Variants in CORO1A observed in about 807,000 individuals in gnomAD.
CORO1A encodes coronin 1A.
A neutral mutation model predicts 44.1 loss-of-function variants in CORO1A; 17 were observed. The ratio of observed to expected loss-of-function variants is 0.39; its 90% CI spans 0.26 to 0.58. CORO1A has a LOEUF of 0.58. Among genes scored for constraint, CORO1A ranks in the 20% least tolerant of loss-of-function variants. The pLI is 0.62. For synonymous variants in CORO1A, 271 were observed against 244.2 expected, an observed-to-expected ratio of 1.11 and a Z score of -1.02; for missense variants, 415 against 606.5, an observed-to-expected ratio of 0.68 and a Z score of 3.32.
rs1386009203 is a variant in CORO1A, at chr16:30,184,584, C to G, written c.-1-625C>G. ...GGGTGGAGATGGCTCTTAAGGGCAC[C>G]TGCTTTTCTGAGCGGAGGCGAGAGG... On this transcript the variant is annotated intron_variant, in intron 1 of 10. Coordinates refer to ENST00000219150, the MANE Select transcript of CORO1A (RefSeq NM_007074.4). This position sits in a 1 kb window ranked among gnomAD's most constrained non-coding sequence, Gnocchi z 4.3. 1.2e-5 allele frequency: 2 copies of G among 168,458 alleles called. No homozygotes were observed. Among genetic ancestry groups the G allele is most frequent in the Non-Finnish European group, 2.6e-5 (2 of 77,426 alleles). 10.4% of individuals were successfully genotyped at this position (168,458 alleles called of 1,614,324 possible).
In CORO1A at chr16:30,188,227, T is replaced by C. The variant is rs1205564396; in HGVS notation, c.1043T>C (p.Ile348Thr). The change falls in exon 9 of 11, where the codon ATT (isoleucine) becomes ACT (threonine). Residue 348 changes from isoleucine to threonine, a missense_variant. Transcript: ENST00000219150. ...CTGCACGAGCGGAGGTGTGAGCCCATTGCCATGACAGTGCCTCGAAAGGTG... is the reference window on the plus strand; with the variant it reads ...CTGCACGAGCGGAGGTGTGAGCCCACTGCCATGACAGTGCCTCGAAAGGTG... ...YKLHERRCEPIAMTVPRKSDL... is the reference protein window; with the variant it reads ...YKLHERRCEPTAMTVPRKSDL... 4 of 1,614,114 alleles carry C rather than the reference T, an allele frequency of 2.5e-6. No individual in the cohort carries two copies. Among genetic ancestry groups the C allele is most frequent in the South Asian group, 1.1e-5 (1 of 91,084 alleles).
At position 30,187,708 on chromosome 16, in the gene CORO1A, C is replaced by G; in HGVS notation, c.757-17C>G. ...CATCCCAGGGCCTGGGATGTTACCT[C>G]TCACCTGTGTCTACAGAAGCACCTG... On this transcript the variant is annotated splice_polypyrimidine_tract_variant and intron_variant, in intron 6 of 10. Transcript: ENST00000219150. The G allele has an allele frequency of 6.3e-7, 1 of 1,591,956 alleles. No individual in the cohort carries two copies. The highest frequency in any genetic ancestry group is 8.6e-7 in the Non-Finnish European group (1 of 1,161,692).
chr16:30,185,197 G>C lies in CORO1A; in HGVS notation c.-1-12G>C. On this transcript the variant is annotated splice_polypyrimidine_tract_variant and intron_variant, in intron 1 of 10. Coordinates refer to ENST00000219150, the MANE Select transcript of CORO1A (RefSeq NM_007074.4). ...CTGAAGGGAGAAATGCTCTTATGCT[G>C]TGTGCCCCCAGAATGAGCCGGCAGG... is the stretch of plus-strand genomic sequence containing the variant. 6.2e-7 allele frequency: 1 copy of C among 1,613,840 alleles called. No homozygotes were observed.
rs1376852495 is a variant in CORO1A, at chr16:30,187,844, CGGGGTG to C, written c.861+24_861+29del. The stretch of plus-strand genomic sequence containing the variant: ...TCTGTGGCAAGGTGGCCTCGTCGGG[CGGGGTG>C]GGGGTGGGAGGTGGGCAGGATGGGC... On this transcript the variant is annotated intron_variant, in intron 7 of 10. Transcript: ENST00000219150. 50 of 83,478 alleles carry C rather than the reference CGGGGTG, an allele frequency of 6.0e-4. No homozygotes were observed. The highest frequency in any genetic ancestry group is 1.1e-3 in the African/African-American group (3 of 2,658). 5.2% of individuals were successfully genotyped at this position (83,478 alleles called of 1,614,324 possible).
rs1046871825 is a variant in CORO1A at position 30,187,165 on chromosome 16, C to T, written c.578C>T (p.Thr193Ile). Residue 193 changes from threonine (T) to isoleucine (I), a missense_variant, in exon 5 of 11, where the codon ACC becomes ATC. By Grantham distance (89) the Thr-to-Ile change is moderately conservative (BLOSUM62 -1). Transcript: ENST00000219150. ...DWSRDGGLIC[T>I]SCRDKRVRII... ...AGCCGAGATGGAGGCCTCATTTGTA[C>T]CTCCTGCCGTGACAAGCGCGTGCGC... The T allele has an allele frequency of 6.2e-7, 1 of 1,613,872 alleles. No individual in the cohort carries two copies. Among genetic ancestry groups the T allele is most frequent in the Non-Finnish European group, 8.5e-7 (1 of 1,180,032 alleles).
chr16:30,187,865 G>GCCCCGGGGCC, intron 7 of CORO1A, 36 bp downstream of exon 7: 1 of 513,370 alleles, frequency 1.9e-6, no homozygotes, highest in Non-Finnish European at 3.6e-6. Context: ...TGGGAGGTGG[G>GCCCCGGGGCC]CAGGATGGGC....
intron 2 of CORO1A, chr16:30,186,393 C>G (rs775456523): frequency 1.3e-5 from 8 of 612,548 alleles, no homozygotes; most frequent in Non-Finnish European, 2.4e-5. Context: ...CTCTGCCATG[C>G]GTGGCCAGCC....
At position 30,186,672 on chromosome 16, in the gene CORO1A, G is replaced by T. The variant is rs141844867; in HGVS notation, c.273G>T (p.Pro91=). 2.4e-5 allele frequency: 38 copies of T among 1,612,576 alleles called. No homozygotes were observed. Among genetic ancestry groups the T allele is most frequent in the Non-Finnish European group, 3.1e-5 (36 of 1,179,682 alleles). ...TAPVLDIAWC[P]HNDNVIASGS... ...CTGTGCTAGACATCGCCTGGTGCCCGCACAATGACAACGTCATTGCCAGTG... is the reference window on the plus strand; with the variant it reads ...CTGTGCTAGACATCGCCTGGTGCCCTCACAATGACAACGTCATTGCCAGTG... Residue 91 remains proline, a synonymous_variant, in exon 3 of 11, where the codon CCG becomes CCT. Coordinates refer to ENST00000219150, the MANE Select transcript of CORO1A (RefSeq NM_007074.4).
In CORO1A at chr16:30,188,452, G is replaced by C; in HGVS notation, c.1157G>C (p.Gly386Ala). Reference sequence around the variant, plus strand: ...GAGTGGCTGGGGGGTCGGGATGCTGGGCCCCTCCTCATCTCCCTCAAGGAT... The same window carrying C: ...GAGTGGCTGGGGGGTCGGGATGCTGCGCCCCTCCTCATCTCCCTCAAGGAT... Reference protein sequence around the residue: ...AEEWLGGRDAGPLLISLKDGY... With the variant: ...AEEWLGGRDAAPLLISLKDGY... Residue 386 changes from glycine to alanine, a missense_variant, in exon 10 of 11, where the codon GGG becomes GCG. By Grantham distance (60) the Gly-to-Ala change is moderately conservative (BLOSUM62 0). Transcript: ENST00000219150. 9 of 1,613,318 alleles carry C rather than the reference G, an allele frequency of 5.6e-6. No homozygotes were observed. The highest frequency in any genetic ancestry group is 1.3e-5 in the African/African-American group (1 of 75,022).
At chr16:30,187,865 G>GGGGGGGGGGGGGCCCCGGGGGC in intron 7 of CORO1A, 36 bp downstream of exon 7, 1 of 513,362 alleles carries the variant, frequency 1.9e-6, no homozygotes, top group Non-Finnish European at 3.6e-6. Flanking sequence ...TGGGAGGTGG[G>GGGGGGGGGGGGGCCCCGGGGGC]CAGGATGGGC....
At position 30,185,140 on chromosome 16, in the gene CORO1A, G is replaced by C. The variant is rs897666398; in HGVS notation, c.-1-69G>C. The C allele has an allele frequency of 3.4e-6, 5 of 1,490,758 alleles. No individual in the cohort carries two copies. The African/African-American group carries it at 5.5e-5, about 16-fold the overall frequency. The allele number at this position is 1,490,758 out of a possible 1,614,324, so 92.3% of individuals were successfully genotyped here. Reference sequence around the variant, plus strand: ...AGCCAGACTGAGGGGTGTCCTGGGGGAGGTGGGGACCACTGGAAGATCAGA... The same window carrying C: ...AGCCAGACTGAGGGGTGTCCTGGGGCAGGTGGGGACCACTGGAAGATCAGA... On this transcript the variant is annotated intron_variant, in intron 1 of 10. Coordinates refer to ENST00000219150, the MANE Select transcript of CORO1A (RefSeq NM_007074.4).
chr16:30,186,439 A>C, intron 2 of CORO1A, 159 bp from the exon 3 acceptor site: 1 of 834,558 alleles, frequency 1.2e-6, no homozygotes, highest in Non-Finnish European at 2.0e-6. Flanking sequence ...TGGGACTGGA[A>C]CAAGAGAAGA....
rs1341907285 is a variant in CORO1A at position 30,186,912 on chromosome 16, C to A, written c.418C>A (p.His140Asn). 6.2e-7 allele frequency: 1 copy of A among 1,612,680 alleles called. No homozygotes were observed. Among genetic ancestry groups the A allele is most frequent in the Non-Finnish European group, 8.5e-7 (1 of 1,180,010 alleles). Residue 140 changes from histidine (H) to asparagine (N), a missense_variant, in exon 4 of 11, where the codon CAC becomes AAC. By Grantham distance (68) the His-to-Asn change is moderately conservative. Transcript: ENST00000219150. The part of the protein sequence containing the change: ...HTKRVGIVAW[H>N]TTAQNVLLSA... ...CAAGCGTGTGGGCATTGTGGCCTGGCACACCACAGCCCAGAACGTGCTGCT... is the reference window on the plus strand; with the variant it reads ...CAAGCGTGTGGGCATTGTGGCCTGGAACACCACAGCCCAGAACGTGCTGCT...
Position 30,184,939 on chromosome 16 carries a change from G to A in CORO1A, c.-1-270G>A, listed in dbSNP as rs1321316089. The A allele has an allele frequency of 1.2e-5, 7 of 567,158 alleles. No homozygotes were observed. The highest frequency in any genetic ancestry group is 1.9e-5 in the Non-Finnish European group (6 of 316,122). 35.1% of individuals were successfully genotyped at this position (567,158 alleles called of 1,614,324 possible). A position where few individuals can be genotyped will look rare whatever the true frequency, so the allele number is the denominator to read the frequency against. On this transcript the variant is annotated intron_variant, in intron 1 of 10. Coordinates refer to ENST00000219150, the MANE Select transcript of CORO1A (RefSeq NM_007074.4). The surrounding 1 kb of genome is among the most constrained non-coding windows in gnomAD (Gnocchi z 4.3). ...CAAACATGCAGTGGGGCAACACCAC[G>A]CCAGGCTCTGTTGCAGAGGCTGAGG... is the stretch of plus-strand genomic sequence containing the variant.
At chr16:30,186,374 GC>G (rs2151062247) in intron 2 of CORO1A, 2 of 585,328 alleles carry the variant, frequency 3.4e-6, no homozygotes, top group East Asian at 6.1e-5. Context: ...GTCTTGCACG[GC>G]CCCCAACCTC....
chr16:30,187,821 T>A lies in CORO1A; in HGVS notation c.853T>A (p.Cys285Ser). ...FDPDTNIVYL[C>S]GKGDSSIRYF... ...CCCTGACACCAACATCGTCTACCTC[T>A]GTGGCAAGGTGGCCTCGTCGGGCGG... is the stretch of plus-strand genomic sequence containing the variant. The change falls in exon 7 of 11, where the codon TGT becomes AGT. Residue 285 changes from cysteine (C) to serine (S), a missense_variant. Coordinates refer to ENST00000219150, the MANE Select transcript of CORO1A (RefSeq NM_007074.4). 9.1e-7 allele frequency: 1 copy of A among 1,101,742 alleles called. No homozygotes were observed. Among genetic ancestry groups the A allele is most frequent in the Non-Finnish European group, 1.2e-6 (1 of 819,650 alleles). 68.2% of individuals were successfully genotyped at this position (1,101,742 alleles called of 1,614,324 possible). A position where few individuals can be genotyped will look rare whatever the true frequency, so the allele number is the denominator to read the frequency against.
chr16:30,187,566 T>C, intron 6 of CORO1A, 65 bp downstream of exon 6: 6 of 1,561,398 alleles, frequency 3.8e-6, no homozygotes, highest in Non-Finnish European at 5.2e-6. Context: ...GTTTCGTCCC[T>C]GCTCTGCCAC....
In CORO1A at chr16:30,187,005, G is replaced by A. The variant is rs928637723; in HGVS notation, c.452-34G>A. ...GGCCTGCAGTGGATGAGGGCAGGAGGCTCATGGCTTCTGACACTGTGGGGA... is the reference window on the plus strand; with the variant it reads ...GGCCTGCAGTGGATGAGGGCAGGAGACTCATGGCTTCTGACACTGTGGGGA... On this transcript the variant is annotated intron_variant, in intron 4 of 10. Coordinates refer to ENST00000219150, the MANE Select transcript of CORO1A (RefSeq NM_007074.4). 8 of 1,613,540 alleles carry A rather than the reference G, an allele frequency of 5.0e-6. No individual in the cohort carries two copies. In the South Asian group the frequency reaches 5.5e-5, roughly 11 times the overall value.
At chr16:30,188,290 C>A in intron 9 of CORO1A, 41 bp downstream of exon 9, 3 of 1,612,432 alleles carry the variant, frequency 1.9e-6, no homozygotes, top group Non-Finnish European at 2.5e-6. Flanking sequence ...AGGCTGGGCA[C>A]TGACTTTGCG....
Sources: allele counts gnomAD v4.1 joint callset, GRCh38; gene constraint gnomAD v4.1.1; non-coding constraint Gnocchi (gnomAD v3.1); transcripts MANE v1.5; gene names NCBI Gene and HGNC (gene_info 2026-07-23, HGNC 2026-07-21).